The following HMGB1 variants were observed in gnomAD, a reference collection of about 807,000 sequenced individuals.
HMGB1 encodes high mobility group box 1.
For missense variants in HMGB1, 79 were observed against 253.5 expected (o/e 0.31, Z 4.67); for synonymous variants, 81 against 84.0 (o/e 0.96, Z 0.19).
At chr13:30,503,762 G>A (rs1376889531) in intron 1 of HMGB1, among the ~76,000 whole-genome samples, 2 of 148,380 alleles carry the variant, frequency 1.3e-5, no homozygotes, top group African/African-American at 2.5e-5. Flanking sequence ...CAATAATAAA[G>A]GTATTGCAGG....
At chr13:30,567,343 A>AT (rs34781585) in intron 1 of HMGB1, among the ~76,000 whole-genome samples, 16,894 of 138,790 alleles carry the variant, frequency 0.12, 1,242 homozygotes, top group Middle Eastern at 0.2. Flanking sequence ...TGTTAACCAA[A>AT]TTTTTTTTTT....
At chr13:30,591,771 T>C (rs6490468) in intron 1 of HMGB1, among the ~76,000 whole-genome samples, 93,907 of 151,706 alleles carry the variant, frequency 0.62, 30,582 homozygotes, top group African/African-American at 0.81. Flanking sequence ...CACGCATGCC[T>C]GGCCACAACA....
chr13:30,581,143 A>C (rs114149459), intron 1 of HMGB1, among the ~76,000 whole-genome samples: 46 of 152,324 alleles, frequency 3.0e-4, no homozygotes, highest in African/African-American at 1.1e-3. Context: ...TACCTGCCTA[A>C]TACAAAAAGA....
chr13:30,538,771 C>T (rs9551937), intron 1 of HMGB1, among the ~76,000 whole-genome samples: 5 of 126,714 alleles, frequency 3.9e-5, no homozygotes, highest in African/African-American at 9.3e-5. Context: ...CTTTCTCTCT[C>T]TCTTTCCTTC....
chr13:30,600,710 G>T (rs1289951314), intron 1 of HMGB1, among the ~76,000 whole-genome samples: 1 of 152,110 alleles, frequency 6.6e-6, no homozygotes, highest in Non-Finnish European at 1.5e-5. Flanking sequence ...GGGTTCAAGT[G>T]ATTAGGGATA....
chr13:30,466,122 G>A (rs1212706838), upstream of HMGB1, among the ~76,000 whole-genome samples: 5 of 152,206 alleles, frequency 3.3e-5, no homozygotes, highest in Admixed American at 6.5e-5. Flanking sequence ...AGGCTGAGGC[G>A]GGAGAGGCAG....
At chr13:30,473,959 A>G (rs1012148531) in intron 1 of HMGB1, among the ~76,000 whole-genome samples, 5 of 152,228 alleles carry the variant, frequency 3.3e-5, no homozygotes, top group African/African-American at 9.6e-5. Flanking sequence ...AGAAGGCCAC[A>G]TATTGTATGA....
chr13:30,498,906 C>G (rs1293286824), intron 1 of HMGB1, among the ~76,000 whole-genome samples: 3 of 151,104 alleles, frequency 2.0e-5, no homozygotes, highest in Admixed American at 1.3e-4. Context: ...TCTCAGCCTC[C>G]TAAAGTGCTG....
chr13:30,606,682 T>G (rs1268144174), intron 1 of HMGB1, among the ~76,000 whole-genome samples: 1 of 152,232 alleles, frequency 6.6e-6, no homozygotes, highest in Admixed American at 6.5e-5. Flanking sequence ...AGCTTACATC[T>G]GGATGAGAAA....
At position 30,459,729 on chromosome 13, in the gene HMGB1, GA is replaced by G. The variant is rs906137700; in HGVS notation, c.*1627del. ...AGCATAAAGTGAGTATTTTTAAAGG[GA>G]AAAACTTTGCCATCCCTTATACTTA... On this transcript the variant is annotated 3_prime_UTR_variant, in exon 5 of 5. Coordinates refer to ENST00000341423, the MANE Select transcript of HMGB1 (RefSeq NM_002128.7). The G allele has an allele frequency of 6.6e-6, 1 of 152,056 alleles. No homozygotes were observed. The highest frequency in any genetic ancestry group is 6.6e-5 in the Admixed American group (1 of 15,264). The allele number at this position is 152,056 out of a possible 1,614,324, so 9.4% of individuals were successfully genotyped here.
At chr13:30,488,643 A>ATTT (rs1008680504) in intron 1 of HMGB1, among the ~76,000 whole-genome samples, 3 of 129,270 alleles carry the variant, frequency 2.3e-5, no homozygotes, top group Admixed American at 8.5e-5. Context: ...CTAATTTTTA[A>ATTT]TTTTATTATT....
At chr13:30,525,945 C>T (rs1888357527) in intron 1 of HMGB1, among the ~76,000 whole-genome samples, 1 of 152,212 alleles carries the variant, frequency 6.6e-6, no homozygotes, top group Non-Finnish European at 1.5e-5. Context: ...GATCTGTCCG[C>T]TTTGGCCTCC....
chr13:30,571,498 G>T (rs1006966229), intron 1 of HMGB1, among the ~76,000 whole-genome samples: 5 of 152,096 alleles, frequency 3.3e-5, no homozygotes, highest in Non-Finnish European at 7.4e-5. Flanking sequence ...GTTTCACCAT[G>T]CTGGCCAGGC....
At chr13:30,513,023 C>T (rs1036888142) in intron 1 of HMGB1, among the ~76,000 whole-genome samples, 1 of 152,022 alleles carries the variant, frequency 6.6e-6, no homozygotes, top group African/African-American at 2.4e-5. Context: ...ATTAGCAAGG[C>T]GTGATGGTGG....
At chr13:30,503,647 C>CTTTTTTTTT (rs10590461) in intron 1 of HMGB1, among the ~76,000 whole-genome samples, 1 of 106,438 alleles carries the variant, frequency 9.4e-6, no homozygotes. Flanking sequence ...TACTCAGCTT[C>CTTTTTTTTT]TTTTTTTTTT....
intron 1 of HMGB1, among the ~76,000 whole-genome samples, chr13:30,535,047 T>A (rs374805974): frequency 9.8e-5 from 15 of 152,372 alleles, no homozygotes; most frequent in African/African-American, 3.6e-4. Context: ...GAATGAGGAC[T>A]AATTTCACAA....
chr13:30,586,283 C>A (rs1871141362), intron 1 of HMGB1, among the ~76,000 whole-genome samples: 1 of 152,036 alleles, frequency 6.6e-6, no homozygotes, highest in Non-Finnish European at 1.5e-5. Context: ...TTTTAAGAAA[C>A]CCTGTTATTT....
intron 1 of HMGB1, among the ~76,000 whole-genome samples, chr13:30,604,044 G>C (rs915129562): frequency 6.6e-6 from 1 of 151,970 alleles, no homozygotes; most frequent in Non-Finnish European, 1.5e-5. Flanking sequence ...CATGTAAAGC[G>C]GTGATAATGC....
intron 1 of HMGB1, among the ~76,000 whole-genome samples, chr13:30,573,655 T>TC (rs1441647783): frequency 1.3e-5 from 2 of 151,062 alleles, no homozygotes; most frequent in African/African-American, 4.9e-5. Context: ...ATTTTCTTTT[T>TC]TTTTTTTTTT....
Sources: allele counts gnomAD v4.1 joint callset (sites outside exome capture counted in the v4.1 genomes callset), GRCh38; gene constraint gnomAD v4.1.1; transcripts MANE v1.5; gene names NCBI Gene and HGNC (gene_info 2026-07-23, HGNC 2026-07-21).